TFCP2L1: variants seen among roughly 807,000 people sequenced by gnomAD.
TFCP2L1 encodes transcription factor CP2-like protein 1.
In TFCP2L1, 12 loss-of-function variants were observed where a neutral mutation model predicts 72.2. The observed-to-expected ratio is 0.17, with a 90% CI of 0.11 to 0.27. TFCP2L1 has a LOEUF of 0.27. Ranked by LOEUF, TFCP2L1 falls within the 10% of genes least tolerant of loss-of-function variation. The pLI is 1.00. For synonymous variants in TFCP2L1, 260 were observed against 251.0 expected, an observed-to-expected ratio of 1.04 and a Z score of -0.34; for missense variants, 488 against 624.6, an observed-to-expected ratio of 0.78 and a Z score of 2.33.
intron 10 of TFCP2L1, among the ~76,000 whole-genome samples, chr2:121,236,955 C>A (rs1260024747): frequency 6.6e-6 from 1 of 152,220 alleles, no homozygotes; most frequent in Non-Finnish European, 1.5e-5. Context: ...GGACCCTCCC[C>A]CAACAGGCTC....
intron 7 of TFCP2L1, chr2:121,240,263 C>T (rs1686342011): frequency 1.0e-6 from 1 of 984,984 alleles, no homozygotes; most frequent in Non-Finnish European, 1.2e-6. Flanking sequence ...TCCTTGCCCT[C>T]GAAAACATTC....
intron 1 of TFCP2L1, 39 bp from the exon 2 acceptor site, chr2:121,281,310 C>T (rs774750308): frequency 1.3e-6 from 2 of 1,553,538 alleles, no homozygotes; most frequent in Non-Finnish European, 1.7e-6. Context: ...AGCAGAGCCC[C>T]AGGGGGCTCC....
At chr2:121,276,558 G>T (rs566594071) in intron 2 of TFCP2L1, among the ~76,000 whole-genome samples, 1 of 151,306 alleles carries the variant, frequency 6.6e-6, no homozygotes, top group African/African-American at 2.4e-5. Flanking sequence ...CCCTGAGCCC[G>T]CGAGGCAGAG....
rs751497531 is a variant in TFCP2L1, at chr2:121,218,427, C to A, written c.*5914G>T. 1 of 152,210 alleles carries A rather than the reference C, an allele frequency of 6.6e-6. No homozygotes were observed. The highest frequency in any genetic ancestry group is 6.5e-5 in the Admixed American group (1 of 15,286). 9.4% of individuals were successfully genotyped at this position (152,210 alleles called of 1,614,324 possible). ...GCTAGCTGACAAGGGCAGTCACACACCGGTAAGTGCTGATACAGGATGAGG... is the reference window on the plus strand; with the variant it reads ...GCTAGCTGACAAGGGCAGTCACACAACGGTAAGTGCTGATACAGGATGAGG... On this transcript the variant is annotated 3_prime_UTR_variant, in exon 15 of 15. Transcript: ENST00000263707.
chr2:121,281,065 A>G (rs1573402399), intron 2 of TFCP2L1, 55 bp downstream of exon 2: 2 of 1,609,456 alleles, frequency 1.2e-6, no homozygotes, highest in Admixed American at 1.7e-5. Flanking sequence ...GGCCTTTCGC[A>G]TCAGCTCCCC....
At chr2:121,240,515 A>G (rs1686347579) in intron 7 of TFCP2L1, 1 of 985,306 alleles carries the variant, frequency 1.0e-6, no homozygotes, top group African/African-American at 1.7e-5. Flanking sequence ...GTTGGTGCTA[A>G]ATCCTACAGC....
chr2:121,275,508 C>T (rs1687129415), intron 2 of TFCP2L1, among the ~76,000 whole-genome samples: 1 of 142,092 alleles, frequency 7.0e-6, no homozygotes, highest in African/African-American at 2.6e-5. Context: ...AAGCAAGAAA[C>T]AACCACATAA....
At chr2:121,265,868 T>C (rs1450699055) in intron 2 of TFCP2L1, among the ~76,000 whole-genome samples, 2 of 138,520 alleles carry the variant, frequency 1.4e-5, no homozygotes, top group African/African-American at 5.3e-5. Flanking sequence ...TAGTAATCTT[T>C]TTTTTTTTTT....
At chr2:121,240,104 T>C (rs565477819) in intron 7 of TFCP2L1, 1 of 985,134 alleles carries the variant, frequency 1.0e-6, no homozygotes, top group East Asian at 1.1e-4. Flanking sequence ...TTAAAACCTG[T>C]GCTATTTGAA....
At chr2:121,261,886 C>A (rs1340367474) in intron 2 of TFCP2L1, among the ~76,000 whole-genome samples, 1 of 152,182 alleles carries the variant, frequency 6.6e-6, no homozygotes, top group African/African-American at 2.4e-5. Context: ...CAGCAAAAGA[C>A]GTATCAGCAC....
chr2:121,285,114 G>A lies in TFCP2L1; in HGVS notation c.-5C>T. On this transcript the variant is annotated 5_prime_UTR_variant, in exon 1 of 15. Transcript: ENST00000263707. ...CTGCGTGTGCCAGAAGAGCATGGCT[G>A]GAACTCCCAGCGCGCCGACCGGGGC... 6.7e-7 allele frequency: 1 copy of A among 1,501,800 alleles called. No individual in the cohort carries two copies. Among genetic ancestry groups the A allele is most frequent in the East Asian group, 2.8e-5 (1 of 35,288 alleles). 93.0% of individuals were successfully genotyped at this position (1,501,800 alleles called of 1,614,324 possible). A position where few individuals can be genotyped will look rare whatever the true frequency, so the allele number is the denominator to read the frequency against.
intron 2 of TFCP2L1, among the ~76,000 whole-genome samples, chr2:121,270,339 T>C (rs1196553631): frequency 6.6e-6 from 1 of 152,106 alleles, no homozygotes; most frequent in Admixed American, 6.5e-5. Flanking sequence ...TGGAAAAAGA[T>C]AAGGGAGGAG....
rs1433503392 is a variant in TFCP2L1, at chr2:121,255,712, A to C, written c.215-6065T>G. Among the ~76,000 whole-genome samples the C allele has an allele frequency of 3.3e-5, 5 of 151,454 alleles. No homozygotes were observed. In the East Asian group the frequency reaches 9.7e-4, roughly 29 times the overall value. ...AAGGTCCCATCTGGCTCCAATATTC[A>C]AGGAGTGTATCTATTACATTTCCCC... On this transcript the variant is annotated intron_variant, in intron 2 of 14. Coordinates refer to ENST00000263707, the MANE Select transcript of TFCP2L1 (RefSeq NM_014553.3).
chr2:121,236,690 C>A (rs1217285464), intron 10 of TFCP2L1, among the ~76,000 whole-genome samples: 1 of 150,570 alleles, frequency 6.6e-6, no homozygotes, highest in East Asian at 1.9e-4. Context: ...TCCCTTGGTG[C>A]CTCTCTGACC....
chr2:121,236,897 T>G (rs1227143435), intron 10 of TFCP2L1, among the ~76,000 whole-genome samples: 1 of 152,138 alleles, frequency 6.6e-6, no homozygotes, highest in Middle Eastern at 3.4e-3. Context: ...CCGAAATGAG[T>G]GGTTTATGCA....
Position 121,266,643 on chromosome 2 carries a change from C to T in TFCP2L1, c.214+14477G>A, listed in dbSNP as rs576545617. Among the ~76,000 whole-genome samples, 121 of 152,146 alleles carry T rather than the reference C, an allele frequency of 8.0e-4. 1 individual carries two copies. Among genetic ancestry groups the T allele is most frequent in the African/African-American group, 2.6e-3 (108 of 41,520 alleles). The stretch of plus-strand genomic sequence containing the variant: ...TTTTTCCAGATGGGTCATCAAGTCA[C>T]GAAATGAAATTTTAGGGACTTGCTT... On this transcript the variant is annotated intron_variant, in intron 2 of 14. Transcript: ENST00000263707.
rs1260826842 is a variant in TFCP2L1 at position 121,224,044 on chromosome 2, A to C, written c.*297T>G. The C allele has an allele frequency of 2.2e-6, 1 of 449,802 alleles. No homozygotes were observed. Among genetic ancestry groups the C allele is most frequent in the Non-Finnish European group, 4.0e-6 (1 of 249,196 alleles). 27.9% of individuals were successfully genotyped at this position (449,802 alleles called of 1,614,324 possible). ...TAAGGGATGAGGGATTTCAGAGCAG[A>C]CGTCTCCACTGTTTGCCCTTTTAGA... On this transcript the variant is annotated 3_prime_UTR_variant, in exon 15 of 15. Transcript: ENST00000263707.
chr2:121,245,602 T>C (rs1573372259), intron 6 of TFCP2L1, among the ~76,000 whole-genome samples: 1 of 152,194 alleles, frequency 6.6e-6, no homozygotes, highest in African/African-American at 2.4e-5. Flanking sequence ...CAGAACCCTG[T>C]GCCCACAACG....
At chr2:121,234,378 A>T (rs1686202694) in intron 11 of TFCP2L1, 184 bp from the exon 12 acceptor site, 2 of 590,534 alleles carry the variant, frequency 3.4e-6, no homozygotes, top group African/African-American at 3.7e-5. Context: ...GCCAAGGGGC[A>T]CTCTGCCCCA....
Sources: allele counts gnomAD v4.1 joint callset (sites outside exome capture counted in the v4.1 genomes callset), GRCh38; gene constraint gnomAD v4.1.1; transcripts MANE v1.5; gene names NCBI Gene and HGNC (gene_info 2026-07-23, HGNC 2026-07-21).